The following AOPEP variants were observed in gnomAD, a reference collection of about 807,000 sequenced individuals.
AOPEP encodes the protein aminopeptidase O.
A neutral mutation model predicts 98.1 loss-of-function variants in AOPEP; 77 were observed. The ratio of observed to expected loss-of-function variants is 0.78; its 90% CI spans 0.65 to 0.95. AOPEP has a LOEUF of 0.95. AOPEP is among the 40% of genes least tolerant of loss of function. The pLI, the probability that AOPEP is intolerant of heterozygous loss-of-function variation, is 0.00. For missense variants in AOPEP, 1,024 were observed against 1,024.7 expected (o/e 1.00, Z 0.01); for synonymous variants, 346 against 365.3 (o/e 0.95, Z 0.60).
At chr9:95,005,904 A>G (rs2061976833) in intron 13 of AOPEP, 2 of 539,984 alleles carry the variant, frequency 3.7e-6, no homozygotes, top group Non-Finnish European at 6.9e-6. Context: ...AGCAGTGTTT[A>G]TTATCTCAGT....
chr9:94,933,038 A>T, intron 7 of AOPEP: 1 of 985,474 alleles, frequency 1.0e-6, no homozygotes, highest in Non-Finnish European at 1.2e-6. Flanking sequence ...TAAGACCCCA[A>T]GGACTCTCCC....
intron 3 of AOPEP, among the ~76,000 whole-genome samples, chr9:94,790,363 C>G (rs1274364654): frequency 6.6e-6 from 1 of 152,026 alleles, no homozygotes; most frequent in Non-Finnish European, 1.5e-5. Flanking sequence ...GATGGGGTTT[C>G]ACCATATTGC....
intron 11 of AOPEP, among the ~76,000 whole-genome samples, chr9:94,995,455 A>G (rs1237110518): frequency 1.3e-5 from 2 of 152,166 alleles, no homozygotes; most frequent in Non-Finnish European, 2.9e-5. Context: ...GGTGGCAATG[A>G]CAGAGAGTGC....
chr9:94,874,438 T>C (rs1037643916), intron 5 of AOPEP, among the ~76,000 whole-genome samples: 1 of 152,112 alleles, frequency 6.6e-6, no homozygotes, highest in African/African-American at 2.4e-5. Context: ...AGATCTGTGG[T>C]CTTTCATCTA....
intron 5 of AOPEP, among the ~76,000 whole-genome samples, chr9:94,867,660 G>A (rs1400616993): frequency 6.6e-6 from 1 of 152,170 alleles, no homozygotes; most frequent in Non-Finnish European, 1.5e-5. Context: ...TTTCTAGCCA[G>A]GATAGCTGAA....
At chr9:94,917,833 T>C (rs191736809) in intron 5 of AOPEP, among the ~76,000 whole-genome samples, 38 of 152,316 alleles carry the variant, frequency 2.5e-4, no homozygotes, top group South Asian at 6.2e-4. Flanking sequence ...TGGCCTCTTT[T>C]GTAATGAGCT....
chr9:94,985,500 C>T (rs73657021), intron 11 of AOPEP, among the ~76,000 whole-genome samples: 2,417 of 152,144 alleles, frequency 0.016, 67 homozygotes, highest in African/African-American at 0.055. Context: ...CTTCTTATAG[C>T]ACATATTATG....
chr9:94,912,857 T>C (rs552554438), intron 5 of AOPEP, among the ~76,000 whole-genome samples: 60 of 151,968 alleles, frequency 3.9e-4, no homozygotes, highest in Admixed American at 1.2e-3. Context: ...AGAGTGGGAG[T>C]ATAGCAAGTC....
chr9:95,061,275 G>C (rs1309967324), intron 14 of AOPEP, among the ~76,000 whole-genome samples: 1 of 152,206 alleles, frequency 6.6e-6, no homozygotes, highest in East Asian at 1.9e-4. Context: ...AGAAAGCAAT[G>C]TGATATAGTC....
At chr9:94,867,383 G>A (rs575116908) in intron 5 of AOPEP, among the ~76,000 whole-genome samples, 4 of 152,264 alleles carry the variant, frequency 2.6e-5, no homozygotes, top group East Asian at 1.9e-4. Context: ...TTCAGTTTAC[G>A]TAACAGTTTC....
chr9:94,999,196 T>C (rs1385204179), intron 11 of AOPEP, among the ~76,000 whole-genome samples: 1 of 151,926 alleles, frequency 6.6e-6, no homozygotes, highest in East Asian at 1.9e-4. Context: ...TCCTCTTCCC[T>C]GTCCAAAATG....
chr9:95,081,745 C>T (rs1054964350), intron 15 of AOPEP, among the ~76,000 whole-genome samples: 1 of 152,188 alleles, frequency 6.6e-6, no homozygotes, highest in South Asian at 2.1e-4. Context: ...GAATTGTGAT[C>T]TTTGACAAAT....
intron 7 of AOPEP, among the ~76,000 whole-genome samples, chr9:94,941,087 G>T (rs900000033): frequency 6.6e-6 from 1 of 152,190 alleles, no homozygotes; most frequent in Non-Finnish European, 1.5e-5. Context: ...CAAGCAAATC[G>T]CTAGAGGTAA....
chr9:94,939,295 A>T (rs2056726349), intron 7 of AOPEP, among the ~76,000 whole-genome samples: 1 of 151,984 alleles, frequency 6.6e-6, no homozygotes, highest in Non-Finnish European at 1.5e-5. Flanking sequence ...ATGTAAAGCC[A>T]TCCCCATTGT....
At position 94,852,451 on chromosome 9, in the gene AOPEP, G is replaced by A. The variant is rs541843233; in HGVS notation, c.1364+51449G>A. Among the ~76,000 whole-genome samples, 27 of 152,294 alleles carry A rather than the reference G, an allele frequency of 1.8e-4. No homozygotes were observed. In the East Asian group the frequency reaches 5.2e-3, roughly 29 times the overall value. On this transcript the variant is annotated intron_variant, in intron 5 of 16. Transcript: ENST00000375315. ...GTGGGAAGAGCAGTGGCTGGGAGTT[G>A]GACATAGGGTAAGGAACAAGGAGAG...
intron 1 of AOPEP, among the ~76,000 whole-genome samples, chr9:94,745,279 T>A (rs768244269): frequency 3.4e-5 from 4 of 116,620 alleles, no homozygotes; most frequent in Non-Finnish European, 3.5e-5. Flanking sequence ...ATTGTTTTAA[T>A]TTTTTTTTTT....
chr9:94,993,714 A>G (rs1161972835), intron 11 of AOPEP, among the ~76,000 whole-genome samples: 4 of 152,294 alleles, frequency 2.6e-5, no homozygotes, highest in African/African-American at 7.2e-5. Context: ...TAAGAGTGTT[A>G]CCAGCATCCT....
intron 5 of AOPEP, among the ~76,000 whole-genome samples, chr9:94,862,129 C>T (rs1259885551): frequency 6.6e-6 from 1 of 152,192 alleles, no homozygotes; most frequent in African/African-American, 2.4e-5. Flanking sequence ...GAGCACACCA[C>T]CTCTACCTAA....
At chr9:95,102,310 G>A in the AOPEP span, among the ~76,000 whole-genome samples, 1 of 152,172 alleles carries the variant, frequency 6.6e-6, no homozygotes, top group South Asian at 2.1e-4. Flanking sequence ...GCATCCCTGG[G>A]CTAGCAACCG....
Sources: allele counts gnomAD v4.1 joint callset (sites outside exome capture counted in the v4.1 genomes callset), GRCh38; gene constraint gnomAD v4.1.1; transcripts MANE v1.5; gene names NCBI Gene and HGNC (gene_info 2026-07-23, HGNC 2026-07-21).